HLCS: variants seen among roughly 807,000 people sequenced by gnomAD.
HLCS encodes the protein holocarboxylase synthetase, also known as biotin--protein ligase.
In HLCS, 53 loss-of-function variants were observed where a neutral mutation model predicts 75.0. The observed-to-expected ratio is 0.71, with a 90% CI of 0.57 to 0.89. The LOEUF (loss-of-function observed/expected upper bound fraction) is 0.89, where lower values mean the gene tolerates loss of function less well. Among genes scored for constraint, HLCS ranks in the 40% least tolerant of loss-of-function variants. HLCS has a pLI of 0.00. For missense variants in HLCS, 966 were observed against 1,074.0 expected (o/e 0.90, Z 1.41); for synonymous variants, 431 against 428.6 (o/e 1.01, Z -0.07).
intron 1 of HLCS, among the ~76,000 whole-genome samples, chr21:36,984,992 A>G (rs1348931137): frequency 6.6e-6 from 1 of 152,148 alleles, no homozygotes; most frequent in Non-Finnish European, 1.5e-5. Context: ...GGTACAAAGT[A>G]TAACTTTCTT....
intron 6 of HLCS, among the ~76,000 whole-genome samples, chr21:36,875,351 G>C (rs2063928092): frequency 6.6e-6 from 1 of 152,194 alleles, no homozygotes; most frequent in South Asian, 2.1e-4. Context: ...TCCAGGACCA[G>C]CCAGGGACAC....
chr21:36,796,438 AATG>A (rs2061028032), intron 6 of HLCS, among the ~76,000 whole-genome samples: 1 of 152,234 alleles, frequency 6.6e-6, no homozygotes, highest in African/African-American at 2.4e-5. Context: ...TGATCAATTT[AATG>A]ATTTTATTAG....
chr21:36,838,699 G>A (rs1238724214), intron 6 of HLCS, among the ~76,000 whole-genome samples: 13 of 137,986 alleles, frequency 9.4e-5, no homozygotes, highest in African/African-American at 2.2e-4. Context: ...GCGAGACTCC[G>A]TCTCAAAAGA....
intron 1 of HLCS, among the ~76,000 whole-genome samples, chr21:36,981,984 G>T (rs1408690366): frequency 6.6e-6 from 1 of 152,162 alleles, no homozygotes; most frequent in Non-Finnish European, 1.5e-5. Context: ...GTGCAGAATA[G>T]CCCTACCACA....
intron 5 of HLCS, among the ~76,000 whole-genome samples, chr21:36,922,670 T>TGGA (rs2066224527): frequency 1.3e-5 from 2 of 152,334 alleles, no homozygotes; most frequent in South Asian, 2.1e-4. Context: ...CTCCTGGTGC[T>TGGA]GCCCAGCATC....
At chr21:36,844,790 T>A (rs1225149951) in intron 6 of HLCS, among the ~76,000 whole-genome samples, 3 of 152,018 alleles carry the variant, frequency 2.0e-5, no homozygotes, top group Non-Finnish European at 4.4e-5. Context: ...TCGACTTTAA[T>A]ACCGTGGGGA....
At position 36,756,164 on chromosome 21, in the gene HLCS, C is replaced by T. The variant is rs147621612; in HGVS notation, c.2450+378G>A. 5.1e-3 allele frequency among the ~76,000 whole-genome samples: 783 copies of T among 152,114 alleles called. 4 individuals are homozygous for T. The highest frequency in any genetic ancestry group is 0.016 in the African/African-American group (666 of 41,514). On this transcript the variant is annotated intron_variant, in intron 10 of 10. Coordinates refer to ENST00000674895, the MANE Select transcript of HLCS (RefSeq NM_001352514.2). ...TTTAAGATACTGAACTACGGCCGGG[C>T]GCGGTGGCTCACACCTGTAATCCCA...
chr21:36,887,877 C>T (rs115614016), intron 6 of HLCS, among the ~76,000 whole-genome samples: 1,950 of 152,190 alleles, frequency 0.013, 53 homozygotes, highest in African/African-American at 0.045. Context: ...AAGAGTACAC[C>T]AATAACACAA....
intron 6 of HLCS, among the ~76,000 whole-genome samples, chr21:36,781,145 C>G (rs1024431186): frequency 2.0e-5 from 3 of 151,750 alleles, no homozygotes; most frequent in African/African-American, 7.3e-5. Flanking sequence ...TTGCATACTC[C>G]TTATGAGAAT....
upstream of HLCS, among the ~76,000 whole-genome samples, chr21:36,967,138 G>A (rs2068643653): frequency 6.6e-6 from 1 of 152,138 alleles, no homozygotes; most frequent in South Asian, 2.1e-4. Context: ...CTCTGCCTAT[G>A]TTCATAGCTG....
At chr21:36,970,878 C>T (rs2068768124), upstream of HLCS, among the ~76,000 whole-genome samples, 1 of 151,766 alleles carries the variant, frequency 6.6e-6, no homozygotes, top group South Asian at 2.1e-4. Flanking sequence ...CCTGTAATCC[C>T]AGCTACTGAG....
At chr21:36,931,880 A>G (rs2066659877) in intron 4 of HLCS, among the ~76,000 whole-genome samples, 1 of 152,194 alleles carries the variant, frequency 6.6e-6, no homozygotes, top group Non-Finnish European at 1.5e-5. Context: ...AGCCGGGGCC[A>G]CTGTCTGTGG....
intron 10 of HLCS, 142 bp from the exon 11 acceptor site, chr21:36,754,559 G>T: frequency 3.7e-6 from 3 of 820,488 alleles, no homozygotes; most frequent in Non-Finnish European, 6.0e-6. Flanking sequence ...GGCAGCCTGG[G>T]CTGAGCTCTG....
chr21:36,836,903 G>A (rs370922331), intron 6 of HLCS, among the ~76,000 whole-genome samples: 25 of 152,126 alleles, frequency 1.6e-4, no homozygotes, highest in African/African-American at 5.1e-4. Context: ...ACTGCACGGC[G>A]GCTGGGCACG....
rs939202238 is a variant in HLCS at position 36,896,076 on chromosome 21, T to C, written c.1892+784A>G. The stretch of plus-strand genomic sequence containing the variant: ...TTAAAAAAGGTATGGGGGTTGGGAA[T>C]GGGTGGCTCACGCCTAAAATCCCAG... On this transcript the variant is annotated intron_variant, in intron 6 of 10. Transcript: ENST00000674895. 1.1e-4 allele frequency among the ~76,000 whole-genome samples: 17 copies of C among 152,306 alleles called. No individual in the cohort carries two copies. In the South Asian group the frequency reaches 3.5e-3, roughly 32 times the overall value.
intron 1 of HLCS, among the ~76,000 whole-genome samples, chr21:36,977,669 C>G (rs547744445): frequency 1.4e-4 from 22 of 152,326 alleles, no homozygotes; most frequent in African/African-American, 5.3e-4. Context: ...AGGCCATGGT[C>G]TGGAATCAGA....
rs2089304051 is a variant in HLCS, at chr21:36,749,541, G to A, written c.*4705C>T. 6.6e-6 allele frequency: 1 copy of A among 151,084 alleles called. No homozygotes were observed. Among genetic ancestry groups the A allele is most frequent in the Admixed American group, 6.6e-5 (1 of 15,132 alleles). 9.4% of individuals were successfully genotyped at this position (151,084 alleles called of 1,614,324 possible). ...TCTGTCAGTGGGCCTCATGGTAAGAGTCACAATTTGCAAATTTAGGACCGT... is the reference window on the plus strand; with the variant it reads ...TCTGTCAGTGGGCCTCATGGTAAGAATCACAATTTGCAAATTTAGGACCGT... On this transcript the variant is annotated 3_prime_UTR_variant, in exon 11 of 11. Transcript: ENST00000674895.
intron 6 of HLCS, among the ~76,000 whole-genome samples, chr21:36,840,736 C>G (rs959767924): frequency 2.0e-5 from 3 of 152,128 alleles, no homozygotes; most frequent in Non-Finnish European, 4.4e-5. Flanking sequence ...CCTCAGCCTC[C>G]CGAATAGCTG....
chr21:36,773,622 C>G (rs1389970774), intron 6 of HLCS, among the ~76,000 whole-genome samples: 1 of 152,198 alleles, frequency 6.6e-6, no homozygotes, highest in Non-Finnish European at 1.5e-5. Context: ...TCTTTACCCC[C>G]CAGTTTTCTC....
Sources: gnomAD v4.1 joint callset for allele counts (sites outside exome capture counted in the v4.1 genomes callset) on GRCh38, gnomAD v4.1.1 for gene constraint, MANE v1.5 for transcripts, NCBI Gene and HGNC (gene_info 2026-07-23, HGNC 2026-07-21) for gene names.